Variants in PRPF6 observed in about 807,000 individuals in gnomAD.
PRPF6 encodes pre-mRNA processing factor 6, also known as pre-mRNA-processing factor 6.
PRPF6 carries 42 observed loss-of-function variants against 118.3 expected under a neutral mutation model. The ratio of observed to expected loss-of-function variants is 0.35; its 90% CI spans 0.28 to 0.46. The LOEUF (loss-of-function observed/expected upper bound fraction) is 0.46. PRPF6 is among the 20% of genes least tolerant of loss of function. The pLI is 1.00. For missense variants in PRPF6, 662 were observed against 1,255.7 expected, an observed-to-expected ratio of 0.53 and a Z score of 7.15; for synonymous variants, 481 against 485.1, an observed-to-expected ratio of 0.99 and a Z score of 0.11.
intron 12 of PRPF6, among the ~76,000 whole-genome samples, chr20:64,020,447 G>T (rs902438086): frequency 6.6e-6 from 1 of 152,126 alleles, no homozygotes; most frequent in Non-Finnish European, 1.5e-5. Flanking sequence ...TCTGCAGGGC[G>T]CAGAGGACGG....
rs2059303302 is a variant in PRPF6 at position 64,028,977 on chromosome 20, G to A, written c.2432-400G>A. On this transcript the variant is annotated intron_variant, in intron 18 of 20. Transcript: ENST00000266079. The surrounding 1 kb of genome is among the most constrained non-coding windows in gnomAD (Gnocchi z 6.5). ...GGAGTCCATTGCTTGAGACCAGCCT[G>A]GCCAACATGGTGAAACCCCGTCTCT... 6.6e-6 allele frequency among the ~76,000 whole-genome samples: 1 copy of A among 152,118 alleles called. No individual in the cohort carries two copies.
At chr20:63,992,879 T>C (rs2059124613) in intron 3 of PRPF6, among the ~76,000 whole-genome samples, 1 of 151,986 alleles carries the variant, frequency 6.6e-6, no homozygotes, top group African/African-American at 2.4e-5. Flanking sequence ...TACAGGTGTG[T>C]GCTACCATGC....
In PRPF6 at chr20:64,032,925, G is replaced by A. The variant is rs766740751; in HGVS notation, c.2758G>A (p.Ala920Thr). The A allele has an allele frequency of 1.1e-5, 18 of 1,613,296 alleles. No individual in the cohort carries two copies. Among genetic ancestry groups the A allele is most frequent in the South Asian group, 8.8e-5 (8 of 91,082 alleles). ...GTGGTGCGCCGTGTCCAAGGACATC[G>A]CCAACTGGCAGAAGAAGATCGGGGA... ...ELWCAVSKDI[A>T]NWQKKIGDIL... Residue 920 changes from alanine (A) to threonine (T), a missense_variant, in exon 21 of 21, where the codon GCC becomes ACC. By Grantham distance (58) the Ala-to-Thr change is moderately conservative. This residue lies in a region of PRPF6 where 244 missense variants were observed against 383.7 expected (regional missense o/e 0.64). Transcript: ENST00000266079.
Position 64,011,579 on chromosome 20 carries a change from G to A in PRPF6, c.1524+76G>A, listed in dbSNP as rs2059217466. ...CACGTGAGAGTCCCACGCAGGACTG[G>A]GGGTTGCTGGATGGTACTGGGGAGT... On this transcript the variant is annotated intron_variant, in intron 11 of 20. Transcript: ENST00000266079. The surrounding 1 kb of genome is among the most constrained non-coding windows in gnomAD (Gnocchi z 6.7). 1 of 1,488,626 alleles carries A rather than the reference G, an allele frequency of 6.7e-7. No homozygotes were observed. The highest frequency in any genetic ancestry group is 1.4e-5 in the African/African-American group (1 of 71,982). The allele number at this position is 1,488,626 out of a possible 1,614,324, so 92.2% of individuals were successfully genotyped here. A position where few individuals can be genotyped will look rare whatever the true frequency, so the allele number is the denominator to read the frequency against.
chr20:63,985,077 T>C (rs969031652), intron 3 of PRPF6, 52 bp downstream of exon 3: 2 of 1,517,456 alleles, frequency 1.3e-6, no homozygotes, highest in African/African-American at 2.7e-5. Context: ...AAAAAAAAGT[T>C]TTGTGGCCAG....
rs1320566333 is a variant in PRPF6, at chr20:63,981,141, A to G, written c.-105A>G. The G allele has an allele frequency of 3.2e-6, 4 of 1,243,864 alleles. No individual in the cohort carries two copies. The highest frequency in any genetic ancestry group is 2.6e-5 in the South Asian group (2 of 77,410). 77.1% of individuals were successfully genotyped at this position (1,243,864 alleles called of 1,614,324 possible). ...GCGCGGGTGACGCGACGACGGCGACACTTTGCTACGGAGTGCATCGGACGT... is the reference window on the plus strand; with the variant it reads ...GCGCGGGTGACGCGACGACGGCGACGCTTTGCTACGGAGTGCATCGGACGT... On this transcript the variant is annotated 5_prime_UTR_variant, in exon 1 of 21. Coordinates refer to ENST00000266079, the MANE Select transcript of PRPF6 (RefSeq NM_012469.4).
intron 2 of PRPF6, among the ~76,000 whole-genome samples, chr20:63,984,002 C>G (rs1234187304): frequency 6.6e-5 from 10 of 152,034 alleles, no homozygotes; most frequent in Admixed American, 6.6e-4. Flanking sequence ...ATAGTATTTG[C>G]TTTTTTTAGC....
intron 11 of PRPF6, among the ~76,000 whole-genome samples, chr20:64,012,947 C>G (rs1007318741): frequency 7.3e-5 from 11 of 151,488 alleles, no homozygotes; most frequent in South Asian, 4.2e-4. Context: ...CTTCCCCTCT[C>G]CCCCACACCC....
At chr20:64,025,109 A>T (rs959163506) in intron 14 of PRPF6, among the ~76,000 whole-genome samples, 1 of 152,158 alleles carries the variant, frequency 6.6e-6, no homozygotes, top group Non-Finnish European at 1.5e-5. Context: ...AGTTTATAAC[A>T]TACTTTTTAA....
At chr20:63,985,537 T>A (rs1159833740) in intron 3 of PRPF6, among the ~76,000 whole-genome samples, 3 of 151,532 alleles carry the variant, frequency 2.0e-5, no homozygotes, top group Non-Finnish European at 4.4e-5. Context: ...TTAAGAACTC[T>A]TAAGTTTTTC....
chr20:64,003,394 G>A (rs927104426), intron 9 of PRPF6, among the ~76,000 whole-genome samples: 1 of 152,194 alleles, frequency 6.6e-6, no homozygotes, highest in African/African-American at 2.4e-5. Flanking sequence ...CCGTGCAGAT[G>A]AGGGCTCTTT....
At chr20:64,006,267 C>T (rs1338776999) in intron 9 of PRPF6, among the ~76,000 whole-genome samples, 1 of 150,970 alleles carries the variant, frequency 6.6e-6, no homozygotes. Flanking sequence ...GAGCTGTGGT[C>T]TGCACCCTGG....
intron 3 of PRPF6, among the ~76,000 whole-genome samples, chr20:63,986,464 G>T (rs547900044): frequency 6.6e-6 from 1 of 150,480 alleles, no homozygotes; most frequent in Non-Finnish European, 1.5e-5. Context: ...CATATCAACA[G>T]AATGAAGGAC....
intron 1 of PRPF6, 116 bp downstream of exon 1, chr20:63,981,432 T>A: frequency 9.8e-7 from 1 of 1,023,244 alleles, no homozygotes; most frequent in Non-Finnish European, 1.4e-6. Context: ...GCTTGGTGGA[T>A]CGGCTTAATC....
chr20:63,982,998 A>G (rs1383024263), intron 1 of PRPF6, 49 bp from the exon 2 acceptor site: 1 of 1,602,962 alleles, frequency 6.2e-7, no homozygotes, highest in Non-Finnish European at 8.5e-7. Context: ...GGAGAAGAGC[A>G]CAGGAACAGA....
chr20:64,001,252 C>T lies in PRPF6; in HGVS notation c.1186+13C>T, dbSNP rs376567998. 1.3e-4 allele frequency: 206 copies of T among 1,614,172 alleles called. 3 individuals are homozygous for T. In the South Asian group the frequency reaches 1.8e-3, roughly 14 times the overall value. ...GTTCTTCGGAAAGGTGAGCCTCCCT[C>T]GGAGGTGCTGCTTTCTCCCTCCTTG... is the stretch of plus-strand genomic sequence containing the variant. On this transcript the variant is annotated intron_variant, in intron 9 of 20. Transcript: ENST00000266079.
chr20:63,996,141 T>C (rs560200800), intron 6 of PRPF6, among the ~76,000 whole-genome samples: 1 of 151,798 alleles, frequency 6.6e-6, no homozygotes, highest in Non-Finnish European at 1.5e-5. Flanking sequence ...CATACTACTT[T>C]TGGCCTGGCC....
intron 8 of PRPF6, among the ~76,000 whole-genome samples, chr20:64,000,353 G>A (rs1392745758): frequency 2.0e-5 from 3 of 151,128 alleles, no homozygotes; most frequent in Admixed American, 1.3e-4. Flanking sequence ...GCCAGGCGTC[G>A]TGACAGGTGC....
intron 11 of PRPF6, among the ~76,000 whole-genome samples, chr20:64,016,088 A>G (rs768487586): frequency 6.6e-6 from 1 of 151,650 alleles, no homozygotes; most frequent in Non-Finnish European, 1.5e-5. Context: ...ACAGCACTTC[A>G]GCCTGAGTGA....
Sources: allele counts gnomAD v4.1 joint callset (sites outside exome capture counted in the v4.1 genomes callset), GRCh38; gene constraint gnomAD v4.1.1; regional missense constraint gnomAD v4.1.1; non-coding constraint Gnocchi (gnomAD v3.1); transcripts MANE v1.5; gene names NCBI Gene and HGNC (gene_info 2026-07-23, HGNC 2026-07-21).